GRID2: variants seen among roughly 807,000 people sequenced by gnomAD.
The protein encoded by GRID2 is glutamate receptor ionotropic, delta-2.
A neutral mutation model predicts 114.8 loss-of-function variants in GRID2; 33 were observed. The observed-to-expected ratio is 0.29, with a 90% CI of 0.22 to 0.38. The LOEUF is 0.38. Ranked by LOEUF, GRID2 falls within the 10% of genes least tolerant of loss-of-function variation. The probability of loss-of-function intolerance (pLI) is 1.00; values close to 1 mark genes in which losing one functional copy is unlikely to be tolerated. For missense variants in GRID2, 1,184 were observed against 1,257.7 expected (o/e 0.94, Z 0.89); for synonymous variants, 505 against 449.9 (o/e 1.12, Z -1.55).
intron 8 of GRID2, among the ~76,000 whole-genome samples, chr4:93,299,529 A>G (rs1365790699): frequency 1.6e-5 from 2 of 122,824 alleles, no homozygotes; most frequent in East Asian, 5.4e-4. Flanking sequence ...GAAGGGGAAC[A>G]TCACACACTG....
intron 14 of GRID2, among the ~76,000 whole-genome samples, chr4:93,714,648 T>C (rs143824947): frequency 0.042 from 6,421 of 152,266 alleles, 222 homozygotes; most frequent in African/African-American, 0.085. Context: ...TGGTATCTCA[T>C]TGTGGTTTTG....
At chr4:92,857,468 T>C (rs1049506319) in intron 2 of GRID2, among the ~76,000 whole-genome samples, 3 of 152,168 alleles carry the variant, frequency 2.0e-5, no homozygotes, top group African/African-American at 7.2e-5. Context: ...AGAGAAAGTT[T>C]TAGTGGTCTG....
intron 1 of GRID2, among the ~76,000 whole-genome samples, chr4:92,508,896 A>G (rs1724106375): frequency 6.6e-6 from 1 of 151,872 alleles, no homozygotes; most frequent in South Asian, 2.1e-4. Context: ...TAGTTGCTGT[A>G]GAGGTGTTGA....
chr4:92,810,413 A>G (rs1578221243), intron 2 of GRID2, among the ~76,000 whole-genome samples: 2 of 152,076 alleles, frequency 1.3e-5, no homozygotes, highest in African/African-American at 2.4e-5. Context: ...CTAAAATCCT[A>G]GACTCCACCA....
chr4:93,382,006 A>G (rs1763900108), intron 8 of GRID2, among the ~76,000 whole-genome samples: 1 of 151,974 alleles, frequency 6.6e-6, no homozygotes, highest in African/African-American at 2.4e-5. Context: ...TTTGAAGGAA[A>G]TTTTTGCCAG....
chr4:92,884,156 C>T (rs1746209151), intron 2 of GRID2, among the ~76,000 whole-genome samples: 1 of 152,184 alleles, frequency 6.6e-6, no homozygotes, highest in Admixed American at 6.5e-5. Context: ...TCACTTTATA[C>T]TTTTGTGTCA....
At chr4:93,219,655 G>A (rs1744648596) in intron 6 of GRID2, among the ~76,000 whole-genome samples, 1 of 152,070 alleles carries the variant, frequency 6.6e-6, no homozygotes, top group Non-Finnish European at 1.5e-5. Context: ...CTGAAACCCA[G>A]GATTAGCTTA....
chr4:92,326,068 A>T (rs1369175627), intron 1 of GRID2, among the ~76,000 whole-genome samples: 1 of 151,832 alleles, frequency 6.6e-6, no homozygotes, highest in African/African-American at 2.4e-5. Flanking sequence ...AGTTACAGGG[A>T]TTTAGGTAAG....
chr4:92,833,359 T>C (rs1742245437), intron 2 of GRID2, among the ~76,000 whole-genome samples: 1 of 152,218 alleles, frequency 6.6e-6, no homozygotes, highest in African/African-American at 2.4e-5. Context: ...ATGTACTTCA[T>C]CCATAAACCC....
At chr4:93,411,875 T>A (rs1356163851) in intron 9 of GRID2, among the ~76,000 whole-genome samples, 1 of 151,760 alleles carries the variant, frequency 6.6e-6, no homozygotes, top group Non-Finnish European at 1.5e-5. Flanking sequence ...GTTTTATTTC[T>A]CATTCCCTGA....
At chr4:93,628,178 C>T (rs1217562232) in intron 14 of GRID2, among the ~76,000 whole-genome samples, 3 of 151,978 alleles carry the variant, frequency 2.0e-5, no homozygotes, top group Non-Finnish European at 4.4e-5. Context: ...AATAATCAAT[C>T]AAAATACATT....
rs573576764 is a variant in GRID2, at chr4:92,792,394, A to G, written c.244+202108A>G. 3.9e-4 allele frequency among the ~76,000 whole-genome samples: 59 copies of G among 150,848 alleles called. No homozygotes were observed. In the South Asian group the frequency reaches 7.3e-3, roughly 19 times the overall value. ...AGACACTGTTTTCCTTGTGTAGTTCAGAATGCTACTTTACTTCCTGACCCC... is the reference window on the plus strand; with the variant it reads ...AGACACTGTTTTCCTTGTGTAGTTCGGAATGCTACTTTACTTCCTGACCCC... On this transcript the variant is annotated intron_variant, in intron 2 of 15. Transcript: ENST00000282020.
intron 3 of GRID2, among the ~76,000 whole-genome samples, chr4:93,088,396 T>C (rs1730506288): frequency 6.6e-6 from 1 of 152,138 alleles, no homozygotes; most frequent in Admixed American, 6.6e-5. Context: ...ATAAAAAGTA[T>C]TACAAAACAT....
intron 1 of GRID2, among the ~76,000 whole-genome samples, chr4:92,457,245 T>G (rs1034338772): frequency 2.6e-5 from 4 of 152,250 alleles, no homozygotes; most frequent in African/African-American, 9.6e-5. Flanking sequence ...CTTACCCATA[T>G]GAAAAATCAC....
intron 2 of GRID2, among the ~76,000 whole-genome samples, chr4:92,679,551 TA>T (rs1366853782): frequency 6.6e-5 from 10 of 152,076 alleles, no homozygotes; most frequent in Non-Finnish European, 1.3e-4. Flanking sequence ...ACACCTCAAC[TA>T]TTTATTTTTA....
chr4:93,478,618 T>C (rs1725558181), intron 11 of GRID2, among the ~76,000 whole-genome samples: 1 of 151,520 alleles, frequency 6.6e-6, no homozygotes. Flanking sequence ...ATTAACTAAC[T>C]ACATATTAAA....
At chr4:92,776,457 C>G (rs1185797520) in intron 2 of GRID2, among the ~76,000 whole-genome samples, 2 of 151,936 alleles carry the variant, frequency 1.3e-5, no homozygotes, top group African/African-American at 2.4e-5. Flanking sequence ...GCTACCCACA[C>G]AGAAGGGTCG....
chr4:92,883,637 G>A (rs1746169150), intron 2 of GRID2, among the ~76,000 whole-genome samples: 1 of 152,200 alleles, frequency 6.6e-6, no homozygotes, highest in Admixed American at 6.5e-5. Context: ...TGGACGTTGT[G>A]TTAGCAGGCA....
chr4:93,088,186 C>T (rs1013008887), intron 3 of GRID2, among the ~76,000 whole-genome samples: 2 of 151,928 alleles, frequency 1.3e-5, no homozygotes, highest in African/African-American at 4.8e-5. Flanking sequence ...CTTTAAATTC[C>T]TTAACAAAGA....
Sources: allele counts gnomAD v4.1 joint callset (sites outside exome capture counted in the v4.1 genomes callset), GRCh38; gene constraint gnomAD v4.1.1; transcripts MANE v1.5; gene names NCBI Gene and HGNC (gene_info 2026-07-23, HGNC 2026-07-21).